The following GALNT13 variants were observed in gnomAD, a reference collection of about 807,000 sequenced individuals.
GALNT13 encodes UDP-GalNAc:polypeptide N-acetylgalactosaminyltransferase 13.
GALNT13 carries 28 observed loss-of-function variants against 64.2 expected under a neutral mutation model. The ratio of observed to expected loss-of-function variants is 0.44; its 90% CI spans 0.32 to 0.60. The LOEUF (loss-of-function observed/expected upper bound fraction) is 0.60. Among genes scored for constraint, GALNT13 ranks in the 20% least tolerant of loss-of-function variants. The pLI is 0.05. For synonymous variants in GALNT13, 214 were observed against 224.6 expected (o/e 0.95, Z 0.42); for missense variants, 577 against 669.8 (o/e 0.86, Z 1.53).
chr2:154,006,008 G>A (rs2105233537), intron 3 of GALNT13, among the ~76,000 whole-genome samples: 1 of 152,234 alleles, frequency 6.6e-6, no homozygotes, highest in South Asian at 2.1e-4. Context: ...AAACTTTGAG[G>A]AAAATGGGTA....
chr2:154,107,630 T>C (rs932723807), intron 3 of GALNT13, among the ~76,000 whole-genome samples: 9 of 151,670 alleles, frequency 5.9e-5, no homozygotes, highest in Non-Finnish European at 1.3e-4. Context: ...TACTCTCTTA[T>C]GAATTTCCAA....
the GALNT13 span, among the ~76,000 whole-genome samples, chr2:153,808,445 C>T: frequency 6.6e-6 from 1 of 152,108 alleles, no homozygotes; most frequent in South Asian, 2.1e-4. Flanking sequence ...TGCTTGCAGA[C>T]TAGATTTGCT....
intron 3 of GALNT13, among the ~76,000 whole-genome samples, chr2:154,001,461 A>T (rs6753596): frequency 6.6e-6 from 1 of 151,632 alleles, no homozygotes. Flanking sequence ...GTTATCATGA[A>T]GCTTACAAAA....
chr2:154,362,555 A>C, intron 9 of GALNT13, among the ~76,000 whole-genome samples: 1 of 152,004 alleles, frequency 6.6e-6, no homozygotes, highest in East Asian at 1.9e-4. Flanking sequence ...AGTCAAAGTC[A>C]TCTTAAACTA....
intron 2 of GALNT13, among the ~76,000 whole-genome samples, chr2:153,912,881 A>T (rs997661893): frequency 2.0e-5 from 3 of 152,136 alleles, no homozygotes; most frequent in Admixed American, 2.0e-4. Context: ...ATCTATCCTC[A>T]TTTGCATGTG....
At chr2:154,355,710 G>T (rs1696701509) in intron 9 of GALNT13, among the ~76,000 whole-genome samples, 1 of 151,976 alleles carries the variant, frequency 6.6e-6, no homozygotes, top group African/African-American at 2.4e-5. Context: ...ACAATTTTTA[G>T]TTCGAGAGGC....
intron 9 of GALNT13, among the ~76,000 whole-genome samples, chr2:154,351,405 C>T (rs1354116682): frequency 2.0e-5 from 3 of 151,800 alleles, no homozygotes; most frequent in Non-Finnish European, 2.9e-5. Context: ...GAGCTCTGGC[C>T]GGGCAAGGTG....
At chr2:153,257,121 C>T in the GALNT13 span, among the ~76,000 whole-genome samples, 6 of 152,228 alleles carry the variant, frequency 3.9e-5, no homozygotes, top group South Asian at 1.0e-3. Flanking sequence ...GGGCGTAGGA[C>T]CCTCCGAGCC....
chr2:153,832,959 A>G, the GALNT13 span, among the ~76,000 whole-genome samples: 1 of 152,170 alleles, frequency 6.6e-6, no homozygotes, highest in South Asian at 2.1e-4. Context: ...CATGGCTTCA[A>G]TTGCCTGTGG....
chr2:153,441,064 G>C, the GALNT13 span, among the ~76,000 whole-genome samples: 1 of 151,936 alleles, frequency 6.6e-6, no homozygotes, highest in Non-Finnish European at 1.5e-5. Flanking sequence ...TCTTTTCTAG[G>C]GTTTTTATGG....
intron 3 of GALNT13, among the ~76,000 whole-genome samples, chr2:153,976,048 T>C (rs1173284915): frequency 2.0e-5 from 3 of 152,144 alleles, no homozygotes; most frequent in Non-Finnish European, 4.4e-5. Context: ...CAGCTGACAT[T>C]GCCACTTCAA....
the GALNT13 span, among the ~76,000 whole-genome samples, chr2:153,687,416 T>TGCATTA: frequency 1.3e-5 from 2 of 152,064 alleles, no homozygotes; most frequent in Non-Finnish European, 2.9e-5. Context: ...CTAGATTTTC[T>TGCATTA]AGTTTATATG....
chr2:153,311,327 A>G, the GALNT13 span, among the ~76,000 whole-genome samples: 1 of 151,654 alleles, frequency 6.6e-6, no homozygotes, highest in South Asian at 2.1e-4. Flanking sequence ...CAAATGGAAG[A>G]GTATATTTTA....
chr2:154,408,052 T>C (rs1279817530), intron 10 of GALNT13, among the ~76,000 whole-genome samples: 1 of 152,092 alleles, frequency 6.6e-6, no homozygotes, highest in Non-Finnish European at 1.5e-5. Flanking sequence ...AAAATATGCA[T>C]GTCTATGGTT....
At chr2:153,787,522 C>G in the GALNT13 span, among the ~76,000 whole-genome samples, 1 of 152,200 alleles carries the variant, frequency 6.6e-6, no homozygotes, top group Non-Finnish European at 1.5e-5. Flanking sequence ...ACTCCAGCAA[C>G]TAATCGGCCA....
the GALNT13 span, among the ~76,000 whole-genome samples, chr2:153,409,220 T>C: frequency 6.6e-6 from 1 of 151,132 alleles, no homozygotes; most frequent in Non-Finnish European, 1.5e-5. Context: ...CAGCCTATCA[T>C]GGGACGTCAC....
the GALNT13 span, among the ~76,000 whole-genome samples, chr2:153,601,999 A>G: frequency 2.0e-5 from 3 of 152,012 alleles, no homozygotes; most frequent in Non-Finnish European, 2.9e-5. Flanking sequence ...AAATTCTCAA[A>G]AGAGCAAATA....
At chr2:153,793,996 G>A in the GALNT13 span, among the ~76,000 whole-genome samples, 2 of 152,158 alleles carry the variant, frequency 1.3e-5, no homozygotes, top group South Asian at 2.1e-4. Context: ...CTCTTAGGGC[G>A]GACTACTTTG....
intron 11 of GALNT13, among the ~76,000 whole-genome samples, chr2:154,415,237 C>T (rs1699961078): frequency 6.6e-6 from 1 of 151,874 alleles, no homozygotes; most frequent in African/African-American, 2.4e-5. Flanking sequence ...AAACTAATCA[C>T]TGTAACAATT....
Sources: allele counts gnomAD v4.1 joint callset (sites outside exome capture counted in the v4.1 genomes callset), GRCh38; gene constraint gnomAD v4.1.1; transcripts MANE v1.5; gene names NCBI Gene and HGNC (gene_info 2026-07-23, HGNC 2026-07-21).